Variants in AKAP12 observed in about 807,000 individuals in gnomAD.
AKAP12 encodes the protein A-kinase anchor protein 12.
AKAP12 carries 32 observed loss-of-function variants against 79.9 expected under a neutral mutation model. The ratio of observed to expected loss-of-function variants is 0.40; its 90% CI spans 0.30 to 0.54. AKAP12 has a LOEUF of 0.54. Ranked by LOEUF, AKAP12 falls within the 20% of genes least tolerant of loss-of-function variation. The pLI is 0.48. For synonymous variants in AKAP12, 808 were observed against 857.0 expected, an observed-to-expected ratio of 0.94 and a Z score of 1.00; for missense variants, 2,074 against 2,177.0, an observed-to-expected ratio of 0.95 and a Z score of 0.94.
chr6:151,325,806 G>C, intron 3 of AKAP12: 1 of 1,613,572 alleles, frequency 6.2e-7, no homozygotes, highest in East Asian at 2.2e-5. Context: ...GGCGTCTGCC[G>C]GGGAGGGCAG....
intron 2 of AKAP12, among the ~76,000 whole-genome samples, chr6:151,291,982 G>C (rs1301035513): frequency 6.6e-6 from 1 of 152,232 alleles, no homozygotes; most frequent in African/African-American, 2.4e-5. Flanking sequence ...GCTTCAGAAA[G>C]GAGCCTGTGA....
intron 2 of AKAP12, among the ~76,000 whole-genome samples, chr6:151,278,758 C>T (rs954084964): frequency 2.0e-5 from 3 of 151,968 alleles, no homozygotes; most frequent in South Asian, 2.1e-4. Flanking sequence ...AGCTCTGCCT[C>T]CCGGGTTCAC....
chr6:151,287,085 G>A (rs566763751), intron 2 of AKAP12, among the ~76,000 whole-genome samples: 2 of 151,206 alleles, frequency 1.3e-5, no homozygotes, highest in Non-Finnish European at 2.9e-5. Context: ...GACTACAGGC[G>A]CCCGCCACCA....
Position 151,351,872 on chromosome 6 carries a change from G to A in AKAP12, c.3481G>A (p.Asp1161Asn). ...GGTGATGGAACAGGCTATCCCCCCT[G>A]ACTCGGTGGAAACCCCTACAGACAG... ...EMVMEQAIPP[D>N]SVETPTDSET... is the part of the protein sequence containing the mutation. The change falls in exon 4 of 5, where the codon GAC becomes AAC. Residue 1161 changes from aspartate (D) to asparagine (N), a missense_variant. By Grantham distance (23) the Asp-to-Asn change is conservative. Coordinates refer to ENST00000402676, the MANE Select transcript of AKAP12 (RefSeq NM_005100.4). This position sits in a 1 kb window ranked among gnomAD's most constrained non-coding sequence, Gnocchi z 4.4. The A allele has an allele frequency of 6.2e-7, 1 of 1,614,060 alleles. No individual in the cohort carries two copies. The highest frequency in any genetic ancestry group is 2.2e-5 in the East Asian group (1 of 44,860).
At chr6:151,243,864 TAAAA>T (rs1220562670) in intron 2 of AKAP12, among the ~76,000 whole-genome samples, 1 of 152,032 alleles carries the variant, frequency 6.6e-6, no homozygotes, top group Non-Finnish European at 1.5e-5. Context: ...AAATTTGTCT[TAAAA>T]AAATATTAAG....
chr6:151,251,094 A>T (rs1797165063), intron 2 of AKAP12, among the ~76,000 whole-genome samples: 1 of 152,066 alleles, frequency 6.6e-6, no homozygotes, highest in South Asian at 2.1e-4. Flanking sequence ...GTACTACTGT[A>T]AAAAAAAGAA....
intron 3 of AKAP12, among the ~76,000 whole-genome samples, chr6:151,313,277 T>C (rs1379109255): frequency 6.6e-6 from 1 of 152,204 alleles, no homozygotes. Context: ...CAAACACAAG[T>C]GCCCAATAGA....
At chr6:151,304,519 A>AAAAAAAAAAC in intron 2 of AKAP12, among the ~76,000 whole-genome samples, 1 of 140,548 alleles carries the variant, frequency 7.1e-6, no homozygotes, top group Non-Finnish European at 1.5e-5. Context: ...AAAAAAAAAA[A>AAAAAAAAAAC]GGATTATATG....
chr6:151,245,860 G>A (rs918265056), intron 2 of AKAP12, among the ~76,000 whole-genome samples: 3 of 151,878 alleles, frequency 2.0e-5, no homozygotes, highest in Admixed American at 1.3e-4. Context: ...ATATTCTTTC[G>A]AAAACTTCAT....
At chr6:151,323,322 G>T (rs1431622868) in intron 3 of AKAP12, among the ~76,000 whole-genome samples, 1 of 152,130 alleles carries the variant, frequency 6.6e-6, no homozygotes, top group Admixed American at 6.5e-5. Context: ...AGGCCGAGGC[G>T]GGTGGATCAC....
At chr6:151,342,005 C>T (rs944269550) in intron 3 of AKAP12, among the ~76,000 whole-genome samples, 1 of 152,242 alleles carries the variant, frequency 6.6e-6, no homozygotes. Flanking sequence ...AAACGCTCTG[C>T]GCCAGCAGCC....
chr6:151,302,019 C>CTT lies in AKAP12; in HGVS notation c.163-3716_163-3715dup, dbSNP rs373016759. Reference sequence around the variant, plus strand: ...TGTGTGTAACATCTCTTTTTTTTTTCTTTTTTTTTTTTTAAGAGACGGAGT... The same window carrying CTT: ...TGTGTGTAACATCTCTTTTTTTTTTCTTTTTTTTTTTTTTTAAGAGACGGAGT... On this transcript the variant is annotated intron_variant, in intron 2 of 4. Coordinates refer to ENST00000402676, the MANE Select transcript of AKAP12 (RefSeq NM_005100.4). 4.6e-3 allele frequency among the ~76,000 whole-genome samples: 635 copies of CTT among 139,222 alleles called. 5 individuals are homozygous for CTT. The highest frequency in any genetic ancestry group is 0.016 in the African/African-American group (594 of 36,904). The allele number at this position is 139,222 out of a possible 152,430, so 91.3% of individuals were successfully genotyped here. A position where few individuals can be genotyped will look rare whatever the true frequency, so the allele number is the denominator to read the frequency against.
At chr6:151,259,342 G>C (rs112152576) in intron 2 of AKAP12, among the ~76,000 whole-genome samples, 1 of 150,420 alleles carries the variant, frequency 6.6e-6, no homozygotes, top group Non-Finnish European at 1.5e-5. Context: ...CACGGCGCCC[G>C]GCCTATATTT....
At chr6:151,274,906 C>T (rs1776260393) in intron 2 of AKAP12, among the ~76,000 whole-genome samples, 1 of 152,082 alleles carries the variant, frequency 6.6e-6, no homozygotes, top group African/African-American at 2.4e-5. Context: ...AGTTGGAGAC[C>T]AGCCTCGGCA....
Position 151,350,924 on chromosome 6 carries a change from G to A in AKAP12, c.2533G>A (p.Ala845Thr). The A allele has an allele frequency of 6.2e-7, 1 of 1,614,056 alleles. No homozygotes were observed. The highest frequency in any genetic ancestry group is 8.5e-7 in the Non-Finnish European group (1 of 1,180,020). ...CAACGAAGATGACTCTGATGTCCCG[G>A]CCGTGGTCCCTCTGTCTGAGTATGA... is the stretch of plus-strand genomic sequence containing the variant. ...GANEDDSDVP[A>T]VVPLSEYDAV... The change falls in exon 4 of 5, where the codon GCC (alanine) becomes ACC (threonine). Residue 845 changes from alanine (A) to threonine (T), a missense_variant. Physicochemically the swap from Ala to Thr is moderately conservative, Grantham distance 58. Coordinates refer to ENST00000402676, the MANE Select transcript of AKAP12 (RefSeq NM_005100.4). The surrounding 1 kb of genome is among the most constrained non-coding windows in gnomAD (Gnocchi z 4.8).
chr6:151,341,614 C>T (rs1424511564), intron 3 of AKAP12: 7 of 862,820 alleles, frequency 8.1e-6, no homozygotes, highest in Middle Eastern at 5.1e-4. Context: ...GCGCGCTGGG[C>T]CTCACGGGCG....
chr6:151,322,252 A>C (rs1429533907), intron 3 of AKAP12, among the ~76,000 whole-genome samples: 1 of 151,658 alleles, frequency 6.6e-6, no homozygotes. Context: ...AGTGGGTGTG[A>C]GGTGGTTTTG....
rs751880412 is a variant in AKAP12, at chr6:151,352,025, G to A, written c.3634G>A (p.Glu1212Lys). 1.2e-6 allele frequency: 2 copies of A among 1,614,166 alleles called. No individual in the cohort carries two copies. Among genetic ancestry groups the A allele is most frequent in the Admixed American group, 1.7e-5 (1 of 60,022 alleles). ...SGTQSGGTEA[E>K]AVPAQKERPP... ...TACCCAGTCAGGGGGCACAGAAGCA[G>A]AGGCAGTTCCTGCACAGAAAGAGAG... Residue 1212 changes from glutamate (E) to lysine (K), a missense_variant, in exon 4 of 5, where the codon GAG becomes AAG. By Grantham distance (56) the Glu-to-Lys change is moderately conservative. Around this residue, in one of 3 missense-constraint regions of AKAP12, gnomAD observed 32 missense variants for 60.4 expected, o/e 0.53. Coordinates refer to ENST00000402676, the MANE Select transcript of AKAP12 (RefSeq NM_005100.4).
intron 3 of AKAP12, among the ~76,000 whole-genome samples, chr6:151,344,751 C>T (rs1053327041): frequency 5.9e-5 from 9 of 152,060 alleles, no homozygotes; most frequent in Non-Finnish European, 1.2e-4. Context: ...CCAGCCTGCT[C>T]TCAAACTCCT....
Sources: gnomAD v4.1 joint callset for allele counts (sites outside exome capture counted in the v4.1 genomes callset) on GRCh38, gnomAD v4.1.1 for gene constraint, gnomAD v4.1.1 regional missense constraint, Gnocchi (gnomAD v3.1) non-coding constraint, MANE v1.5 for transcripts, NCBI Gene and HGNC (gene_info 2026-07-23, HGNC 2026-07-21) for gene names.